C7orf33: variants seen among roughly 807,000 people sequenced by gnomAD.
C7orf33 encodes chromosome 7 open reading frame 33.
In C7orf33, 15 loss-of-function variants were observed where a neutral mutation model predicts 13.4. The ratio of observed to expected loss-of-function variants is 1.12; its 90% confidence interval spans 0.75 to 1.72. The LOEUF (loss-of-function observed/expected upper bound fraction) is 1.72. Among genes scored for constraint, C7orf33 ranks in the 40% most tolerant of loss-of-function variants. The pLI is 0.00. For missense variants in C7orf33, 187 were observed against 220.3 expected (o/e 0.85, Z 0.96); for synonymous variants, 73 against 83.2 (o/e 0.88, Z 0.67).
chr7:148,594,171 CTTTTTTTTTTTT>C (rs940143798), intron 1 of C7orf33, among the ~76,000 whole-genome samples: 1 of 129,300 alleles, frequency 7.7e-6, no homozygotes, highest in South Asian at 2.5e-4. Flanking sequence ...AACCTCTTTT[CTTTTTTTTTTTT>C]TTTTTTTCTG....
intron 1 of C7orf33, among the ~76,000 whole-genome samples, chr7:148,596,296 T>G (rs1332003501): frequency 6.6e-6 from 1 of 152,186 alleles, no homozygotes; most frequent in African/African-American, 2.4e-5. Context: ...TGAACCAACA[T>G]TGATGTATTA....
At chr7:148,595,372 T>G (rs1796318896) in intron 1 of C7orf33, among the ~76,000 whole-genome samples, 1 of 137,100 alleles carries the variant, frequency 7.3e-6, no homozygotes, top group South Asian at 2.2e-4. Flanking sequence ...AAATATAATA[T>G]AGATCTCTAT....
At position 148,596,509 on chromosome 7, in the gene C7orf33, G is replaced by C. The variant is rs146424508; in HGVS notation, c.204+5380G>C. The stretch of plus-strand genomic sequence containing the variant: ...GGAAGCCTCATAATCATGGTGGAAG[G>C]CAAGGAGGAGCAAATCACGTCTTAC... On this transcript the variant is annotated intron_variant, in intron 1 of 2. Coordinates refer to ENST00000307003, the MANE Select transcript of C7orf33 (RefSeq NM_145304.4). Among the ~76,000 whole-genome samples, 94 of 152,254 alleles carry C rather than the reference G, an allele frequency of 6.2e-4. No homozygotes were observed. The East Asian group carries it at 0.017, about 27-fold the overall frequency.
intron 1 of C7orf33, among the ~76,000 whole-genome samples, chr7:148,611,384 G>A (rs1335591938): frequency 2.6e-5 from 4 of 152,140 alleles, no homozygotes; most frequent in Non-Finnish European, 5.9e-5. Context: ...TGAATGTCGA[G>A]ACCAGCAGAC....
chr7:148,607,368 T>C (rs1395806473), intron 1 of C7orf33, among the ~76,000 whole-genome samples: 1 of 152,170 alleles, frequency 6.6e-6, no homozygotes, highest in Non-Finnish European at 1.5e-5. Context: ...TTTAAGCAAA[T>C]GGAGGGCAGA....
At chr7:148,599,949 C>A (rs1018158945) in intron 1 of C7orf33, among the ~76,000 whole-genome samples, 9 of 152,174 alleles carry the variant, frequency 5.9e-5, no homozygotes, top group African/African-American at 1.9e-4. Context: ...TCTACACGCC[C>A]ATAAACAGCC....
chr7:148,604,172 A>G lies in C7orf33; in HGVS notation c.205-9870A>G, dbSNP rs59286543. ...GATTGAGTCTCACTCTGTTGCCCAG[A>G]CTGGAGTGCAGCGGCACAATCTCAG... is the stretch of plus-strand genomic sequence containing the variant. On this transcript the variant is annotated intron_variant, in intron 1 of 2. Coordinates refer to ENST00000307003, the MANE Select transcript of C7orf33 (RefSeq NM_145304.4). Among the ~76,000 whole-genome samples, 686 of 148,814 alleles carry G rather than the reference A, an allele frequency of 4.6e-3. 9 individuals are homozygous for G. The highest frequency in any genetic ancestry group is 0.016 in the African/African-American group (647 of 40,064).
At chr7:148,598,771 G>A (rs371257862) in intron 1 of C7orf33, among the ~76,000 whole-genome samples, 1 of 44,872 alleles carries the variant, frequency 2.2e-5, no homozygotes, top group Non-Finnish European at 4.0e-5. Flanking sequence ...TATAGAGAGA[G>A]AGAGAGAGAG....
At chr7:148,595,051 T>C (rs937105825) in intron 1 of C7orf33, among the ~76,000 whole-genome samples, 1 of 151,912 alleles carries the variant, frequency 6.6e-6, no homozygotes, top group African/African-American at 2.4e-5. Flanking sequence ...GCTTTTCACT[T>C]AATAGTTTCT....
Position 148,606,807 on chromosome 7 carries a change from G to A in C7orf33, c.205-7235G>A, listed in dbSNP as rs571849900. Among the ~76,000 whole-genome samples, 37 of 152,122 alleles carry A rather than the reference G, an allele frequency of 2.4e-4. No individual in the cohort carries two copies. In the South Asian group the frequency reaches 4.4e-3, roughly 18 times the overall value. ...TCGTCACGTTGGCCAGGCTGGTCTC[G>A]AACTCTTGACCTCAGGTGATCCACC... On this transcript the variant is annotated intron_variant, in intron 1 of 2. Transcript: ENST00000307003.
At chr7:148,603,153 A>C (rs901767564) in intron 1 of C7orf33, among the ~76,000 whole-genome samples, 1 of 152,178 alleles carries the variant, frequency 6.6e-6, no homozygotes, top group Non-Finnish European at 1.5e-5. Flanking sequence ...AACACACAGA[A>C]ATGAGGAGAG....
chr7:148,595,354 G>A (rs1796318355), intron 1 of C7orf33, among the ~76,000 whole-genome samples: 2 of 132,264 alleles, frequency 1.5e-5, no homozygotes, highest in African/African-American at 2.9e-5. Flanking sequence ...ATATTATATA[G>A]ATATATCAAA....
intron 1 of C7orf33, among the ~76,000 whole-genome samples, chr7:148,606,933 TACACACAC>T (rs112000703): frequency 2.2e-5 from 3 of 139,232 alleles, no homozygotes; most frequent in Admixed American, 7.5e-5. Context: ...AAAAAAAAAA[TACACACAC>T]ACACACACAC....
At position 148,615,475 on chromosome 7, in the gene C7orf33, A is replaced by T. The variant is rs1796592741; in HGVS notation, c.*74A>T. On this transcript the variant is annotated 3_prime_UTR_variant, in exon 3 of 3. Transcript: ENST00000307003. ...GAAATCTCTTCTTGCAAGAAAAAAG[A>T]GAAATAGCTGAAGTTCTGGAAATAA... 1 of 968,552 alleles carries T rather than the reference A, an allele frequency of 1.0e-6. No homozygotes were observed. Among genetic ancestry groups the T allele is most frequent in the Non-Finnish European group, 1.7e-6 (1 of 605,440 alleles). The allele number at this position is 968,552 out of a possible 1,614,324, so 60.0% of individuals were successfully genotyped here.
chr7:148,597,517 G>A (rs536160502), intron 1 of C7orf33, among the ~76,000 whole-genome samples: 1 of 152,052 alleles, frequency 6.6e-6, no homozygotes, highest in East Asian at 1.9e-4. Flanking sequence ...CCTGACCTCA[G>A]GTGATACACC....
Position 148,603,050 on chromosome 7 carries a change from C to A in C7orf33, c.205-10992C>A, listed in dbSNP as rs564441045. On this transcript the variant is annotated intron_variant, in intron 1 of 2. Transcript: ENST00000307003. ...CCTGTCAACATCATCACAAAGAGAA[C>A]GCTACAAATGTCCATTTACATGCAA... Among the ~76,000 whole-genome samples, 3 of 152,176 alleles carry A rather than the reference C, an allele frequency of 2.0e-5. No individual in the cohort carries two copies. In the East Asian group the frequency reaches 5.8e-4, roughly 29 times the overall value.
At chr7:148,598,297 C>G (rs929821580) in intron 1 of C7orf33, among the ~76,000 whole-genome samples, 4 of 152,048 alleles carry the variant, frequency 2.6e-5, no homozygotes, top group African/African-American at 7.2e-5. Flanking sequence ...GTCTGGTTTT[C>G]TACTTCTTTG....
intron 1 of C7orf33, among the ~76,000 whole-genome samples, chr7:148,592,632 A>C (rs1334466612): frequency 6.6e-6 from 1 of 150,898 alleles, no homozygotes; most frequent in Non-Finnish European, 1.5e-5. Flanking sequence ...CTCCTGTCTC[A>C]GCCTCCCAAG....
intron 1 of C7orf33, among the ~76,000 whole-genome samples, chr7:148,605,390 A>C (rs1796461258): frequency 6.6e-6 from 1 of 152,116 alleles, no homozygotes; most frequent in Non-Finnish European, 1.5e-5. Flanking sequence ...GGCAACTACA[A>C]CTGCATTTTG....
Sources: gnomAD v4.1 joint callset for allele counts (sites outside exome capture counted in the v4.1 genomes callset) on GRCh38, gnomAD v4.1.1 for gene constraint, MANE v1.5 for transcripts, NCBI Gene and HGNC (gene_info 2026-07-23, HGNC 2026-07-21) for gene names.